The following GRIN2B variants were observed in gnomAD, a reference collection of about 807,000 sequenced individuals.
GRIN2B encodes the protein glutamate receptor ionotropic, NMDA 2B.
Under a neutral mutation model 114.5 loss-of-function variants are expected in GRIN2B, and 5 were observed. The observed-to-expected ratio is 0.04, with a 90% confidence interval of 0.02 to 0.09. GRIN2B has a LOEUF of 0.09. GRIN2B is among the 10% of genes least tolerant of loss of function. GRIN2B has a pLI of 1.00. For missense variants in GRIN2B, 1,108 were observed against 1,943.5 expected (o/e 0.57, Z 8.08); for synonymous variants, 787 against 745.1 (o/e 1.06, Z -0.92).
At chr12:13,911,295 A>T (rs1866623914) in intron 2 of GRIN2B, among the ~76,000 whole-genome samples, 1 of 152,186 alleles carries the variant, frequency 6.6e-6, no homozygotes, top group Admixed American at 6.5e-5. Flanking sequence ...CTTCAGCCAG[A>T]GGGGACTGTA....
intron 12 of GRIN2B, among the ~76,000 whole-genome samples, chr12:13,567,992 GAGAGAGATGGGC>G (rs1195123556): frequency 1.3e-5 from 2 of 151,938 alleles, no homozygotes; most frequent in African/African-American, 4.8e-5. Context: ...AAGACAAGCA[GAGAGAGATGGGC>G]AGAGAGATTG....
At chr12:13,953,929 T>TAC (rs1469385100) in intron 2 of GRIN2B, among the ~76,000 whole-genome samples, 1 of 152,202 alleles carries the variant, frequency 6.6e-6, no homozygotes, top group African/African-American at 2.4e-5. Context: ...AATAATAATA[T>TAC]ACACAGACTA....
At chr12:13,630,423 C>T (rs1392332516) in intron 5 of GRIN2B, among the ~76,000 whole-genome samples, 4 of 152,330 alleles carry the variant, frequency 2.6e-5, no homozygotes, top group Admixed American at 2.6e-4. Context: ...ATTTCTCACA[C>T]TGACTCTGAG....
intron 2 of GRIN2B, among the ~76,000 whole-genome samples, chr12:13,931,755 T>C (rs1012518284): frequency 6.6e-6 from 1 of 152,378 alleles, no homozygotes. Flanking sequence ...ACACCATTTA[T>C]GCAACTGCAT....
chr12:13,661,807 G>C (rs944284531), intron 5 of GRIN2B, among the ~76,000 whole-genome samples: 4 of 152,138 alleles, frequency 2.6e-5, no homozygotes, highest in African/African-American at 7.2e-5. Context: ...AGGAAATCCA[G>C]AATCTGGAGT....
rs188841473 is a variant in GRIN2B, at chr12:13,924,913, C to T, written c.-19+55015G>A. Among the ~76,000 whole-genome samples, 38 of 152,128 alleles carry T rather than the reference C, an allele frequency of 2.5e-4. 2 individuals are homozygous for T. Among genetic ancestry groups the T allele is most frequent in the Non-Finnish European group, 1.2e-4 (8 of 67,988 alleles). On this transcript the variant is annotated intron_variant, in intron 2 of 13. Transcript: ENST00000609686. ...TGCAAAAGTGGTATTTTCCTATTTC[C>T]CACTATCCATGCCCAGTCACAGACA...
At chr12:13,916,938 C>G (rs1434598137) in intron 2 of GRIN2B, among the ~76,000 whole-genome samples, 3 of 151,906 alleles carry the variant, frequency 2.0e-5, no homozygotes, top group Non-Finnish European at 4.4e-5. Flanking sequence ...AAGAGGTAAC[C>G]TTTGAGTTGC....
chr12:13,787,507 C>T (rs1001430231), intron 3 of GRIN2B, among the ~76,000 whole-genome samples: 3 of 152,112 alleles, frequency 2.0e-5, no homozygotes, highest in African/African-American at 7.2e-5. Context: ...AGCACTTCTG[C>T]AAAAGGGCAA....
Position 13,615,903 on chromosome 12 carries a change from A to C in GRIN2B, c.1329-239T>G, listed in dbSNP as rs1422965029. Among the ~76,000 whole-genome samples the C allele has an allele frequency of 2.0e-5, 3 of 152,170 alleles. No homozygotes were observed. The highest frequency in any genetic ancestry group is 7.2e-5 in the African/African-American group (3 of 41,426). ...TAATTTTAATTCTCCTTTGAAGTAC[A>C]AAATACATAAGAAAAGGGTGCATAT... is the stretch of plus-strand genomic sequence containing the variant. On this transcript the variant is annotated intron_variant, in intron 6 of 13. Transcript: ENST00000609686. The surrounding 1 kb of genome is among the most constrained non-coding windows in gnomAD (Gnocchi z 5.8).
In GRIN2B at chr12:13,753,677, T is replaced by A; in HGVS notation, c.650A>T (p.Gln217Leu). Residue 217 changes from glutamine to leucine, a missense_variant, in exon 4 of 14, where the codon CAG becomes CTG. Physicochemically the swap from Gln to Leu is moderately radical, Grantham distance 113 (BLOSUM62 -2). Coordinates refer to ENST00000609686, the MANE Select transcript of GRIN2B (RefSeq NM_000834.5). The surrounding 1 kb of genome is among the most constrained non-coding windows in gnomAD (Gnocchi z 6.2). ...MSLDDGDSKI[Q>L]NQLKKLQSPI... The stretch of plus-strand genomic sequence containing the variant: ...GCTTTGAAGTTTCTTGAGCTGATTC[T>A]GGATCTTAGAATCTCCATCGTCCAG... 2 of 1,614,162 alleles carry A rather than the reference T, an allele frequency of 1.2e-6. No individual in the cohort carries two copies. The highest frequency in any genetic ancestry group is 1.7e-6 in the Non-Finnish European group (2 of 1,179,996).
chr12:13,766,752 T>C (rs1863797664), intron 3 of GRIN2B, among the ~76,000 whole-genome samples: 1 of 152,202 alleles, frequency 6.6e-6, no homozygotes, highest in Admixed American at 6.5e-5. Flanking sequence ...TTGTTAAGAT[T>C]TTTATTCTTC....
chr12:13,942,951 T>A (rs1374678903), intron 2 of GRIN2B, among the ~76,000 whole-genome samples: 1 of 152,124 alleles, frequency 6.6e-6, no homozygotes, highest in Non-Finnish European at 1.5e-5. Context: ...GATCACATCC[T>A]TGACCCCTCT....
intron 2 of GRIN2B, among the ~76,000 whole-genome samples, chr12:13,883,316 A>G (rs1020602123): frequency 6.6e-6 from 1 of 152,146 alleles, no homozygotes; most frequent in Non-Finnish European, 1.5e-5. Flanking sequence ...TTTAACATTT[A>G]TATTTAATTG....
intron 2 of GRIN2B, among the ~76,000 whole-genome samples, chr12:13,911,926 C>T (rs1294952784): frequency 2.0e-5 from 3 of 152,136 alleles, no homozygotes; most frequent in East Asian, 3.9e-4. Flanking sequence ...TGCAGCAAAG[C>T]TTTGCCGTAC....
At chr12:13,879,053 AG>A (rs1296992742) in intron 2 of GRIN2B, among the ~76,000 whole-genome samples, 1 of 152,204 alleles carries the variant, frequency 6.6e-6, no homozygotes, top group East Asian at 1.9e-4. Flanking sequence ...ATTGAGTTTT[AG>A]AATCAATTTT....
intron 2 of GRIN2B, among the ~76,000 whole-genome samples, chr12:13,877,266 T>C (rs968326372): frequency 1.3e-5 from 2 of 152,146 alleles, no homozygotes; most frequent in African/African-American, 4.8e-5. Flanking sequence ...AAACAAGCTT[T>C]TGAGACTATA....
intron 5 of GRIN2B, among the ~76,000 whole-genome samples, chr12:13,624,778 T>A (rs543053552): frequency 3.2e-4 from 49 of 152,258 alleles, no homozygotes; most frequent in African/African-American, 1.1e-3. Context: ...TCAGATGCTA[T>A]CCCTGGCTGA....
chr12:13,655,586 G>A (rs1949855855), intron 5 of GRIN2B, among the ~76,000 whole-genome samples: 1 of 152,152 alleles, frequency 6.6e-6, no homozygotes, highest in South Asian at 2.1e-4. Context: ...TCTGGAATTC[G>A]ACTGCATGGT....
chr12:13,892,331 A>C (rs1866276806), intron 2 of GRIN2B, among the ~76,000 whole-genome samples: 1 of 152,218 alleles, frequency 6.6e-6, no homozygotes, highest in Non-Finnish European at 1.5e-5. Flanking sequence ...TTTTATGCTT[A>C]TATGTCAAAT....
Sources: allele counts gnomAD v4.1 joint callset (sites outside exome capture counted in the v4.1 genomes callset), GRCh38; gene constraint gnomAD v4.1.1; non-coding constraint Gnocchi (gnomAD v3.1); transcripts MANE v1.5; gene names NCBI Gene and HGNC (gene_info 2026-07-23, HGNC 2026-07-21).